GPM6B: variants seen among roughly 807,000 people sequenced by gnomAD.
GPM6B encodes glycoprotein M6B, also known as neuronal membrane glycoprotein M6-b.
A neutral mutation model predicts 27.2 loss-of-function variants in GPM6B; 4 were observed. The observed-to-expected ratio is 0.15, with a 90% confidence interval of 0.07 to 0.34. GPM6B has a LOEUF of 0.34. Among genes scored for constraint, GPM6B ranks in the 10% least tolerant of loss-of-function variants. GPM6B has a pLI of 1.00. For missense variants in GPM6B, 183 were observed against 261.9 expected (o/e 0.70, Z 2.08); for synonymous variants, 124 against 103.1 (o/e 1.20, Z -1.23).
At chrX:13,841,758 C>T (rs961658915) in intron 1 of GPM6B, among the ~76,000 whole-genome samples, 1 of 111,514 alleles carries the variant, frequency 9.0e-6, no homozygotes, top group Non-Finnish European at 1.9e-5. Flanking sequence ...AGTTGTTCAA[C>T]CAATCTACAA....
chrX:13,852,672 GT>G (rs2147242989), intron 1 of GPM6B, among the ~76,000 whole-genome samples: 1 of 111,082 alleles, frequency 9.0e-6, no homozygotes, highest in African/African-American at 3.3e-5. Flanking sequence ...CATTCCTAGT[GT>G]GAATGTACCC....
intron 1 of GPM6B, among the ~76,000 whole-genome samples, chrX:13,896,312 CAGAA>C (rs1254051408): frequency 4.7e-5 from 5 of 107,325 alleles, no homozygotes; most frequent in Admixed American, 9.9e-5. Flanking sequence ...AGAAAAATAA[CAGAA>C]AGAACTACCA....
chrX:13,825,672 C>T (rs1009390858), intron 1 of GPM6B, among the ~76,000 whole-genome samples: 1 of 112,513 alleles, frequency 8.9e-6, no homozygotes, highest in African/African-American at 3.2e-5. Context: ...TACAGAAGTT[C>T]GGTTGGGAGG....
intron 1 of GPM6B, among the ~76,000 whole-genome samples, chrX:13,879,699 C>T (rs1042918072): frequency 1.6e-4 from 18 of 112,386 alleles, no homozygotes; most frequent in Admixed American, 8.5e-4. Flanking sequence ...CTCTGCTCCT[C>T]AGCCATGTTT....
At chrX:13,876,526 G>A (rs1180262219) in intron 1 of GPM6B, among the ~76,000 whole-genome samples, 1 of 112,093 alleles carries the variant, frequency 8.9e-6, no homozygotes, top group Admixed American at 9.4e-5. Context: ...AGTAGATAAT[G>A]TCACAGGGAA....
intron 1 of GPM6B, among the ~76,000 whole-genome samples, chrX:13,874,743 C>CA (rs1428494589): frequency 2.7e-5 from 3 of 110,167 alleles, no homozygotes; most frequent in Admixed American, 1.9e-4. Context: ...AAAACAAAAA[C>CA]AAAAAAACAC....
At chrX:13,813,627 CTCAG>C (rs772196458) in intron 1 of GPM6B, among the ~76,000 whole-genome samples, 22 of 112,199 alleles carry the variant, frequency 2.0e-4, no homozygotes, top group Non-Finnish European at 3.6e-4. Flanking sequence ...TGTTTTTCTA[CTCAG>C]TGATTATCCA....
chrX:13,871,479 G>C (rs1191969081), intron 1 of GPM6B, among the ~76,000 whole-genome samples: 1 of 112,050 alleles, frequency 8.9e-6, no homozygotes, highest in African/African-American at 3.2e-5. Context: ...GTGAGCCAGG[G>C]ATGAGAATCG....
chrX:13,827,271 CTT>C (rs1173680918), intron 1 of GPM6B, among the ~76,000 whole-genome samples: 157 of 73,621 alleles, frequency 2.1e-3, no homozygotes, highest in African/African-American at 6.3e-3. Flanking sequence ...TACCGACTTC[CTT>C]TTTTTTTTTT....
intron 5 of GPM6B, among the ~76,000 whole-genome samples, chrX:13,779,130 G>T (rs759749049): frequency 3.6e-4 from 40 of 111,120 alleles, no homozygotes; most frequent in African/African-American, 1.3e-3. Context: ...CTCTTACTCA[G>T]CTGCCCTCTC....
At chrX:13,799,573 A>G (rs1405896250) in intron 2 of GPM6B, among the ~76,000 whole-genome samples, 1 of 109,664 alleles carries the variant, frequency 9.1e-6, no homozygotes, top group Admixed American at 9.8e-5. Context: ...CATGTACACA[A>G]TGGACACTAA....
intron 1 of GPM6B, among the ~76,000 whole-genome samples, chrX:13,925,965 G>A (rs969410091): frequency 7.7e-5 from 8 of 104,183 alleles, no homozygotes; most frequent in Non-Finnish European, 1.6e-4. Context: ...TGAGGCAGGA[G>A]AATGGCGTGA....
At chrX:13,788,851 T>G (rs770984563) in intron 2 of GPM6B, among the ~76,000 whole-genome samples, 2 of 110,911 alleles carry the variant, frequency 1.8e-5, no homozygotes, top group South Asian at 7.6e-4. Flanking sequence ...TCAAGGACTC[T>G]GTATATACCT....
upstream of GPM6B, among the ~76,000 whole-genome samples, chrX:13,820,234 G>A (rs908657596): frequency 9.0e-6 from 1 of 111,505 alleles, no homozygotes; most frequent in Non-Finnish European, 1.9e-5. Flanking sequence ...ACCAGTAAGA[G>A]ATAGTGTGAA....
chrX:13,875,362 T>C (rs1023124350), intron 1 of GPM6B, among the ~76,000 whole-genome samples: 5 of 111,363 alleles, frequency 4.5e-5, no homozygotes, highest in Non-Finnish European at 9.4e-5. Context: ...CAGGGGACTA[T>C]CAGGAAAAGG....
chrX:13,843,550 C>T (rs370722231), intron 1 of GPM6B, among the ~76,000 whole-genome samples: 9 of 112,280 alleles, frequency 8.0e-5, no homozygotes, highest in African/African-American at 1.9e-4. Context: ...TACCATTTTA[C>T]GTTCCCACTA....
chrX:13,928,729 AT>A (rs767979678), intron 1 of GPM6B, among the ~76,000 whole-genome samples: 3 of 112,420 alleles, frequency 2.7e-5, no homozygotes, highest in Middle Eastern at 4.6e-3. Flanking sequence ...ATTGTGAAAC[AT>A]TTCTAAATCT....
intron 1 of GPM6B, among the ~76,000 whole-genome samples, chrX:13,838,059 C>A (rs1172281735): frequency 9.3e-6 from 1 of 107,997 alleles, no homozygotes; most frequent in African/African-American, 3.4e-5. Flanking sequence ...TAGTAAGGGG[C>A]AATCTTCAGA....
Position 13,836,355 on chromosome X carries a change from C to G in GPM6B, c.-197-50547G>C, listed in dbSNP as rs191001717. Among the ~76,000 whole-genome samples the G allele has an allele frequency of 2.7e-5, 3 of 111,953 alleles. No individual in the cohort carries two copies. The East Asian group carries it at 8.4e-4, about 31-fold the overall frequency. ...ACCTTAATTTAAGGAAGAAAAAAAT[C>G]TACAGAGGCTTAATCATTTAATACC... is the stretch of plus-strand genomic sequence containing the variant. On this transcript the variant is annotated intron_variant, in intron 1 of 6. Transcript: ENST00000398361.
Sources: gnomAD v4.1 joint callset for allele counts (sites outside exome capture counted in the v4.1 genomes callset) on GRCh38, gnomAD v4.1.1 for gene constraint, MANE v1.5 for transcripts, NCBI Gene and HGNC (gene_info 2026-07-23, HGNC 2026-07-21) for gene names.